The following DAB1 variants were observed in gnomAD, a reference collection of about 807,000 sequenced individuals.
DAB1 encodes DAB adaptor protein 1.
Under a neutral mutation model 64.6 loss-of-function variants are expected in DAB1, and 15 were observed. The ratio of observed to expected loss-of-function variants is 0.23; its 90% CI spans 0.16 to 0.36. DAB1 has a LOEUF of 0.36. DAB1 is among the 10% of genes least tolerant of loss of function. The pLI, the probability that DAB1 is intolerant of heterozygous loss-of-function variation, is 1.00. For synonymous variants in DAB1, 235 were observed against 251.9 expected (o/e 0.93, Z 0.64); for missense variants, 596 against 706.7 (o/e 0.84, Z 1.78).
At chr1:58,232,483 ACACACAC>A (rs1659824846) in intron 4 of DAB1, among the ~76,000 whole-genome samples, 1 of 20,740 alleles carries the variant, frequency 4.8e-5, no homozygotes, top group African/African-American at 1.7e-4. Flanking sequence ...GAATACACAC[ACACACAC>A]ACACACACAC....
At chr1:57,596,734 TG>T (rs2101579004) in intron 7 of DAB1, among the ~76,000 whole-genome samples, 1 of 152,330 alleles carries the variant, frequency 6.6e-6, no homozygotes, top group African/African-American at 2.4e-5. Flanking sequence ...CCCCTTCCTT[TG>T]TGGGCTCTTA....
At chr1:57,828,126 TA>T (rs937419955) in intron 1 of DAB1, among the ~76,000 whole-genome samples, 1 of 151,958 alleles carries the variant, frequency 6.6e-6, no homozygotes, top group African/African-American at 2.4e-5. Flanking sequence ...TTTGTATTTT[TA>T]GTAGAGACGG....
At chr1:58,266,203 T>A (rs1235281580) in intron 4 of DAB1, among the ~76,000 whole-genome samples, 3 of 152,210 alleles carry the variant, frequency 2.0e-5, no homozygotes. Context: ...TGCTATTGTA[T>A]CCACCTGAAC....
At chr1:57,395,155 G>T (rs562363270) in intron 1 of DAB1, among the ~76,000 whole-genome samples, 1 of 152,230 alleles carries the variant, frequency 6.6e-6, no homozygotes, top group Admixed American at 6.5e-5. Flanking sequence ...CTCTTGAGTA[G>T]CCGGGATTAC....
chr1:57,159,806 A>T (rs1347605084), intron 2 of DAB1, among the ~76,000 whole-genome samples: 1 of 149,922 alleles, frequency 6.7e-6, no homozygotes, highest in African/African-American at 2.5e-5. Context: ...GCCAGGAATC[A>T]TAGAAAAATG....
chr1:57,663,492 G>A (rs771015388), intron 6 of DAB1, among the ~76,000 whole-genome samples: 20 of 152,150 alleles, frequency 1.3e-4, no homozygotes, highest in Non-Finnish European at 2.8e-4. Flanking sequence ...TTTTTCTATC[G>A]AGCATTGGTA....
At chr1:57,563,111 A>C (rs1355572467) in intron 7 of DAB1, among the ~76,000 whole-genome samples, 1 of 152,130 alleles carries the variant, frequency 6.6e-6, no homozygotes, top group Non-Finnish European at 1.5e-5. Context: ...CACAAAAAAA[A>C]CACCTTGACC....
chr1:57,363,910 C>T (rs529710530), intron 1 of DAB1, among the ~76,000 whole-genome samples: 2 of 152,280 alleles, frequency 1.3e-5, no homozygotes, highest in African/African-American at 4.8e-5. Flanking sequence ...ATATTCATTC[C>T]ATCAGCCTCA....
At chr1:57,476,362 T>C (rs1643937660) in intron 7 of DAB1, among the ~76,000 whole-genome samples, 1 of 152,148 alleles carries the variant, frequency 6.6e-6, no homozygotes, top group South Asian at 2.1e-4. Flanking sequence ...TTATTGACAT[T>C]TGTCTGTCAG....
At chr1:57,205,803 T>C (rs1665492032) in intron 2 of DAB1, among the ~76,000 whole-genome samples, 1 of 152,224 alleles carries the variant, frequency 6.6e-6, no homozygotes, top group South Asian at 2.1e-4. Context: ...CAAACAAGCT[T>C]AACAAACCTA....
At chr1:57,267,784 T>A (rs1243687750) in intron 2 of DAB1, among the ~76,000 whole-genome samples, 1 of 152,116 alleles carries the variant, frequency 6.6e-6, no homozygotes, top group Admixed American at 6.5e-5. Context: ...CCAAAACACA[T>A]ATCGGGAAAC....
intron 4 of DAB1, among the ~76,000 whole-genome samples, chr1:58,165,697 C>T (rs915730606): frequency 6.6e-6 from 1 of 152,188 alleles, no homozygotes; most frequent in African/African-American, 2.4e-5. Context: ...TATAAACCAA[C>T]TAAAATTTTG....
chr1:57,425,661 G>T (rs901245120), upstream of DAB1, among the ~76,000 whole-genome samples: 8 of 152,174 alleles, frequency 5.3e-5, no homozygotes, highest in Admixed American at 5.2e-4. Flanking sequence ...AATTTGTAAG[G>T]TCATAGCAGG....
At chr1:57,544,333 T>G (rs888660967) in intron 7 of DAB1, among the ~76,000 whole-genome samples, 5 of 152,196 alleles carry the variant, frequency 3.3e-5, no homozygotes, top group African/African-American at 1.2e-4. Flanking sequence ...TCATACACAT[T>G]ATTTTATTTA....
At chr1:57,603,701 C>T (rs1377544466) in intron 7 of DAB1, among the ~76,000 whole-genome samples, 1 of 152,166 alleles carries the variant, frequency 6.6e-6, no homozygotes, top group East Asian at 1.9e-4. Flanking sequence ...CAAGTTTACA[C>T]AAGAGGCTCG....
intron 8 of DAB1, among the ~76,000 whole-genome samples, chr1:57,066,005 G>A (rs1323837109): frequency 3.9e-5 from 6 of 152,114 alleles, no homozygotes; most frequent in African/African-American, 7.2e-5. Context: ...AGCACATTCC[G>A]TACTATACAT....
Position 57,787,313 on chromosome 1 carries a change from C to T in DAB1, n.551+96686G>A, listed in dbSNP as rs115683433. 4.1e-3 allele frequency among the ~76,000 whole-genome samples: 622 copies of T among 152,058 alleles called. 6 individuals carry two copies. Among genetic ancestry groups the T allele is most frequent in the African/African-American group, 0.014 (601 of 41,496 alleles). On this transcript the variant is annotated intron_variant and non_coding_transcript_variant, in intron 6 of 20. Transcript: ENST00000485760. ...AGCAGTGCAAAGAGTGTGGCATTGCCATATAAATAGACAAATACATAAATG... is the reference window on the plus strand; with the variant it reads ...AGCAGTGCAAAGAGTGTGGCATTGCTATATAAATAGACAAATACATAAATG...
intron 9 of DAB1, among the ~76,000 whole-genome samples, chr1:57,049,069 T>C (rs1055672362): frequency 6.6e-6 from 1 of 152,104 alleles, no homozygotes; most frequent in African/African-American, 2.4e-5. Flanking sequence ...AGAGTGATAA[T>C]GTGACAACCC....
Position 57,035,833 on chromosome 1 carries a change from C to CTTTTT in DAB1, c.724-9795_724-9791dup, listed in dbSNP as rs35389635. On this transcript the variant is annotated intron_variant, in intron 9 of 14. Coordinates refer to ENST00000371236, the MANE Select transcript of DAB1 (RefSeq NM_001365792.1). ...GGCTCATTTCAGTAACGCACATGCA[C>CTTTTT]TTTTTTTTTTTTTTTTTTTTTTTTT... Among the ~76,000 whole-genome samples, 29 of 61,916 alleles carry CTTTTT rather than the reference C, an allele frequency of 4.7e-4. 6 individuals are homozygous for CTTTTT. Among genetic ancestry groups the CTTTTT allele is most frequent in the African/African-American group, 1.0e-3 (16 of 15,562 alleles). The allele number at this position is 61,916 out of a possible 152,430, so 40.6% of individuals were successfully genotyped here.
Sources: allele counts gnomAD v4.1 joint callset (sites outside exome capture counted in the v4.1 genomes callset), GRCh38; gene constraint gnomAD v4.1.1; transcripts MANE v1.5; gene names NCBI Gene and HGNC (gene_info 2026-07-23, HGNC 2026-07-21).